The following PARP3 variants were observed in gnomAD, a reference collection of about 807,000 sequenced individuals.
The protein encoded by PARP3 is poly(ADP-ribose) polymerase family member 3, also known as protein mono-ADP-ribosyltransferase PARP3.
A neutral mutation model predicts 58.2 loss-of-function variants in PARP3; 46 were observed. The observed-to-expected ratio is 0.79, with a 90% CI of 0.62 to 1.01. The LOEUF (loss-of-function observed/expected upper bound fraction) is 1.01, where lower values mean the gene tolerates loss of function less well. Ranked by LOEUF, PARP3 falls within the 50% of genes least tolerant of loss-of-function variation. The probability of loss-of-function intolerance (pLI) is 0.00; values close to 1 mark genes in which losing one functional copy is unlikely to be tolerated. For missense variants in PARP3, 663 were observed against 683.9 expected, an observed-to-expected ratio of 0.97 and a Z score of 0.34; for synonymous variants, 252 against 266.4, an observed-to-expected ratio of 0.95 and a Z score of 0.53.
Position 51,946,881 on chromosome 3 carries a change from C to T in PARP3, c.1276+538C>T, listed in dbSNP as rs887825024. Among the ~76,000 whole-genome samples, 3 of 152,172 alleles carry T rather than the reference C, an allele frequency of 2.0e-5. No individual in the cohort carries two copies. The highest frequency in any genetic ancestry group is 1.9e-4 in the East Asian group (1 of 5,196). On this transcript the variant is annotated intron_variant, in intron 9 of 10. Coordinates refer to ENST00000398755, the MANE Select transcript of PARP3 (RefSeq NM_001003931.4). The surrounding 1 kb of genome is among the most constrained non-coding windows in gnomAD (Gnocchi z 4.6). ...ACTGGAGCTCAGAGCAATGCCTAGC[C>T]GGGGGCAGGGTGGGCTAGGGGCCCA...
At position 51,944,046 on chromosome 3, in the gene PARP3, T is replaced by A. The variant is rs1479853180; in HGVS notation, c.184-43T>A. 6.3e-7 allele frequency: 1 copy of A among 1,594,230 alleles called. No individual in the cohort carries two copies. The highest frequency in any genetic ancestry group is 8.5e-7 in the Non-Finnish European group (1 of 1,169,704). ...TCTCGGTGTACGGCCAGGCACCCCA[T>A]CTGACCCCAGCCAGCCTGCCCCCCA... On this transcript the variant is annotated intron_variant, in intron 2 of 10. Coordinates refer to ENST00000398755, the MANE Select transcript of PARP3 (RefSeq NM_001003931.4). This position sits in a 1 kb window ranked among gnomAD's most constrained non-coding sequence, Gnocchi z 4.2.
Position 51,944,784 on chromosome 3 carries a change from A to G in PARP3, c.508A>G (p.Arg170Gly), listed in dbSNP as rs750983836. ...EAQEAVVKVD[R>G]GPVRTVTKRV... ...ATGTGCCCTCTATCTTCAGGTGGAC[A>G]GAGGCCCAGTGAGGACTGTGACTAA... The change falls in exon 5 of 11, where the codon AGA becomes GGA. Residue 170 changes from arginine to glycine, a missense_variant. Physicochemically the swap from Arg to Gly is moderately radical, Grantham distance 125. This residue lies in a region of PARP3 where 567 missense variants were observed against 553.6 expected (regional missense o/e 1.02). Coordinates refer to ENST00000398755, the MANE Select transcript of PARP3 (RefSeq NM_001003931.4). This position sits in a 1 kb window ranked among gnomAD's most constrained non-coding sequence, Gnocchi z 4.2. 9.9e-6 allele frequency: 16 copies of G among 1,610,096 alleles called. No homozygotes were observed. The African/African-American group carries it at 2.1e-4, about 22-fold the overall frequency.
In PARP3 at chr3:51,948,555, CT is replaced by C. The variant is rs1006729181; in HGVS notation, c.*76del. ...ATCATCCTGCCCATCTCTGGTACCC[CT>C]ATATCACTCCTTTTTTTCAAGAATA... On this transcript the variant is annotated 3_prime_UTR_variant, in exon 11 of 11. Coordinates refer to ENST00000398755, the MANE Select transcript of PARP3 (RefSeq NM_001003931.4). 16 of 1,257,928 alleles carry C rather than the reference CT, an allele frequency of 1.3e-5. No homozygotes were observed. The highest frequency in any genetic ancestry group is 7.9e-5 in the Admixed American group (4 of 50,626). The allele number at this position is 1,257,928 out of a possible 1,614,324, so 77.9% of individuals were successfully genotyped here. A position where few individuals can be genotyped will look rare whatever the true frequency, so the allele number is the denominator to read the frequency against.
Position 51,944,961 on chromosome 3 carries a change from TG to T in PARP3, c.635-36del. The T allele has an allele frequency of 6.2e-7, 1 of 1,612,756 alleles. No individual in the cohort carries two copies. The highest frequency in any genetic ancestry group is 8.5e-7 in the Non-Finnish European group (1 of 1,179,406). ...GGCAGGGGCCTCAGGGTGGCAGGGC[TG>T]TGGGGCTGAGTCTCCCCACTCCCCT... On this transcript the variant is annotated intron_variant, in intron 5 of 10. Transcript: ENST00000398755. The surrounding 1 kb of genome is among the most constrained non-coding windows in gnomAD (Gnocchi z 4.2).
intron 8 of PARP3, 45 bp downstream of exon 8, chr3:51,945,984 AG>A: frequency 6.5e-7 from 1 of 1,533,700 alleles, no homozygotes; most frequent in Non-Finnish European, 9.0e-7. Flanking sequence ...ACTGTGCCTT[AG>A]GAAGATGTCC....
chr3:51,945,942 G>A lies in PARP3; in HGVS notation c.1098+3G>A, dbSNP rs908379040. The A allele has an allele frequency of 1.2e-5, 20 of 1,612,256 alleles. No individual in the cohort carries two copies. The highest frequency in any genetic ancestry group is 1.0e-4 in the Admixed American group (6 of 59,986). ...GGAAAGTAAACCAAGAAGGGGAGGTGAGGGAGGTTCCCCCACCTCTCCCCC... is the reference window on the plus strand; with the variant it reads ...GGAAAGTAAACCAAGAAGGGGAGGTAAGGGAGGTTCCCCCACCTCTCCCCC... On this transcript the variant is annotated splice_donor_region_variant and intron_variant, in intron 8 of 10. Coordinates refer to ENST00000398755, the MANE Select transcript of PARP3 (RefSeq NM_001003931.4).
In PARP3 at chr3:51,942,589, C is replaced by A; in HGVS notation, c.-122C>A. ...CGGCCTCTGGCGATTGTTGGGAATT[C>A]TCTCCCTAATTCACGCCTGAGGCTC... On this transcript the variant is annotated 5_prime_UTR_variant, in exon 1 of 11. Transcript: ENST00000398755. 1 of 749,508 alleles carries A rather than the reference C, an allele frequency of 1.3e-6. No homozygotes were observed. 46.4% of individuals were successfully genotyped at this position (749,508 alleles called of 1,614,324 possible). A position where few individuals can be genotyped will look rare whatever the true frequency, so the allele number is the denominator to read the frequency against.
At position 51,944,193 on chromosome 3, in the gene PARP3, C is replaced by G. The variant is rs376585719; in HGVS notation, c.288C>G (p.Thr96=). The change falls in exon 3 of 11, where the codon ACC becomes ACG. Residue 96 remains threonine (T), a synonymous_variant. Transcript: ENST00000398755. This position sits in a 1 kb window ranked among gnomAD's most constrained non-coding sequence, Gnocchi z 4.2. ...QLLQDSNRFF[T]CWNRWGRVGE... ...TCCAAGACAGCAACCGCTTCTTCAC[C>G]TGCTGGAACCGCTGGGGCCGTGTGG... 94 of 1,613,996 alleles carry G rather than the reference C, an allele frequency of 5.8e-5. No homozygotes were observed. The highest frequency in any genetic ancestry group is 7.9e-5 in the Non-Finnish European group (93 of 1,180,024).
rs1699589911 is a variant in PARP3 at position 51,943,409 on chromosome 3, G to A, written c.54G>A (p.Lys18=). The change falls in exon 2 of 11, where the codon AAG becomes AAA. Residue 18 remains lysine (K), a synonymous_variant. Coordinates refer to ENST00000398755, the MANE Select transcript of PARP3 (RefSeq NM_001003931.4). ...AGACTGAGGGCCCTGAGAAGAAGAA[G>A]GGCCGGCAGGCAGGAAGGGAGGAGG... The part of the protein sequence containing the change: ...WVQTEGPEKK[K]GRQAGREEDP... The A allele has an allele frequency of 1.9e-6, 3 of 1,603,782 alleles. No individual in the cohort carries two copies. The highest frequency in any genetic ancestry group is 2.6e-6 in the Non-Finnish European group (3 of 1,176,128).
chr3:51,948,566 C>A lies in PARP3; in HGVS notation c.*86C>A. The A allele has an allele frequency of 8.4e-7, 1 of 1,187,116 alleles. No individual in the cohort carries two copies. The highest frequency in any genetic ancestry group is 1.2e-6 in the Non-Finnish European group (1 of 826,068). The allele number at this position is 1,187,116 out of a possible 1,614,324, so 73.5% of individuals were successfully genotyped here. On this transcript the variant is annotated 3_prime_UTR_variant, in exon 11 of 11. Transcript: ENST00000398755. ...CATCTCTGGTACCCCTATATCACTC[C>A]TTTTTTTCAAGAATACAATACGTTG...
chr3:51,945,485 A>G lies in PARP3; in HGVS notation c.862-10A>G, dbSNP rs1406893151. On this transcript the variant is annotated splice_polypyrimidine_tract_variant and intron_variant, in intron 6 of 10. Transcript: ENST00000398755. ...GTGGGAAGACAAACTGCCAGGGCCC[A>G]TCATCCTAGGTGCTGGCGGACATCG... 2 of 1,612,406 alleles carry G rather than the reference A, an allele frequency of 1.2e-6. No homozygotes were observed. Among genetic ancestry groups the G allele is most frequent in the East Asian group, 2.2e-5 (1 of 44,850 alleles).
At position 51,948,525 on chromosome 3, in the gene PARP3, C is replaced by G. The variant is rs1167437918; in HGVS notation, c.*45C>G. On this transcript the variant is annotated 3_prime_UTR_variant, in exon 11 of 11. Transcript: ENST00000398755. ...GGGTCCTGCAAGGCTGGACTGTGAT[C>G]TTCAATCATCCTGCCCATCTCTGGT... is the stretch of plus-strand genomic sequence containing the variant. 20 of 1,559,990 alleles carry G rather than the reference C, an allele frequency of 1.3e-5. No individual in the cohort carries two copies. Among genetic ancestry groups the G allele is most frequent in the Non-Finnish European group, 1.5e-5 (17 of 1,134,318 alleles).
chr3:51,947,542 C>T (rs999549670), intron 9 of PARP3, 198 bp from the exon 10 acceptor site: 12 of 613,082 alleles, frequency 2.0e-5, no homozygotes, highest in Non-Finnish European at 3.2e-5. Context: ...GCAGAGGGTA[C>T]AGATGCCTGG....
chr3:51,943,280 G>A, intron 1 of PARP3, 74 bp from the exon 2 acceptor site: 1 of 1,405,132 alleles, frequency 7.1e-7, no homozygotes, highest in East Asian at 2.5e-5. Context: ...CAGGGCAGGG[G>A]TGGGGACTGA....
In PARP3 at chr3:51,944,824, G is replaced by A. The variant is rs1699633166; in HGVS notation, c.548G>A (p.Cys183Tyr). 1 of 1,613,782 alleles carries A rather than the reference G, an allele frequency of 6.2e-7. No homozygotes were observed. Among genetic ancestry groups the A allele is most frequent in the Non-Finnish European group, 8.5e-7 (1 of 1,179,960 alleles). Residue 183 changes from cysteine (C) to tyrosine (Y), a missense_variant, in exon 5 of 11, where the codon TGC (cysteine) becomes TAC (tyrosine). Cys to Tyr is a radical substitution (Grantham distance 194). Transcript: ENST00000398755. This position sits in a 1 kb window ranked among gnomAD's most constrained non-coding sequence, Gnocchi z 4.2. ...VRTVTKRVQP[C>Y]SLDPATQKLI... ...ACTGTGACTAAGCGGGTGCAGCCCT[G>A]CTCCCTGGACCCAGCCACGCAGAAG...
chr3:51,942,893 C>T, intron 1 of PARP3, 185 bp downstream of exon 1: 1 of 1,424,980 alleles, frequency 7.0e-7, no homozygotes, highest in Non-Finnish European at 9.2e-7. Context: ...CCCCAAGAAT[C>T]CTGCCCCCAG....
Position 51,946,047 on chromosome 3 carries a change from C to A in PARP3, c.1098+108C>A. ...GTTTAGCAGCTCTGGTCAGTTTCTG[C>A]CGGCCATGAGTGCGCGTGAGTAAGC... is the stretch of plus-strand genomic sequence containing the variant. On this transcript the variant is annotated intron_variant, in intron 8 of 10. Coordinates refer to ENST00000398755, the MANE Select transcript of PARP3 (RefSeq NM_001003931.4). The surrounding 1 kb of genome is among the most constrained non-coding windows in gnomAD (Gnocchi z 4.6). The A allele has an allele frequency of 1.5e-6, 2 of 1,364,652 alleles. No individual in the cohort carries two copies. Among genetic ancestry groups the A allele is most frequent in the South Asian group, 1.2e-5 (1 of 80,826 alleles). The allele number at this position is 1,364,652 out of a possible 1,614,324, so 84.5% of individuals were successfully genotyped here.
chr3:51,947,001 G>A (rs1167231111), intron 9 of PARP3, among the ~76,000 whole-genome samples: 1 of 152,258 alleles, frequency 6.6e-6, no homozygotes, highest in Non-Finnish European at 1.5e-5. Context: ...GGAGAGGGGG[G>A]CAGCAGCCAG....
chr3:51,944,862 A>G lies in PARP3; in HGVS notation c.586A>G (p.Ile196Val), dbSNP rs1448706323. ...DPATQKLITN[I>V]FSKEMFKNTM... ...AGCCACGCAGAAGCTCATCACTAAC[A>G]TCTTCAGCAAGGAGATGTTCAAGAA... is the stretch of plus-strand genomic sequence containing the variant. Residue 196 changes from isoleucine (I) to valine (V), a missense_variant, in exon 5 of 11, where the codon ATC becomes GTC. This residue lies in a region of PARP3 where 567 missense variants were observed against 553.6 expected (regional missense o/e 1.02). Transcript: ENST00000398755. The surrounding 1 kb of genome is among the most constrained non-coding windows in gnomAD (Gnocchi z 4.2). The G allele has an allele frequency of 4.3e-6, 7 of 1,613,812 alleles. No homozygotes were observed. Among genetic ancestry groups the G allele is most frequent in the Admixed American group, 3.3e-5 (2 of 59,998 alleles).
Sources: allele counts gnomAD v4.1 joint callset (sites outside exome capture counted in the v4.1 genomes callset), GRCh38; gene constraint gnomAD v4.1.1; regional missense constraint gnomAD v4.1.1; non-coding constraint Gnocchi (gnomAD v3.1); transcripts MANE v1.5; gene names NCBI Gene and HGNC (gene_info 2026-07-23, HGNC 2026-07-21).